CRPPA: variants seen among roughly 807,000 people sequenced by gnomAD.
CRPPA encodes D-ribitol-5-phosphate cytidylyltransferase.
In CRPPA, 43 loss-of-function variants were observed where a neutral mutation model predicts 52.0. The ratio of observed to expected loss-of-function variants is 0.83; its 90% CI spans 0.65 to 1.07. CRPPA has a LOEUF of 1.07. CRPPA is among the 50% of genes least tolerant of loss of function. The probability of loss-of-function intolerance (pLI) is 0.00; values close to 1 mark genes in which losing one functional copy is unlikely to be tolerated. For synonymous variants in CRPPA, 250 were observed against 203.5 expected (o/e 1.23, Z -1.94); for missense variants, 629 against 551.7 (o/e 1.14, Z -1.40).
chr7:16,395,636 C>T (rs547228206), intron 2 of CRPPA, among the ~76,000 whole-genome samples: 51 of 152,264 alleles, frequency 3.3e-4, no homozygotes, highest in Middle Eastern at 3.4e-3. Context: ...ATTCATATTA[C>T]TGTAGTACAC....
At chr7:16,274,553 TAAAA>T (rs923188494) in intron 6 of CRPPA, among the ~76,000 whole-genome samples, 2 of 151,442 alleles carry the variant, frequency 1.3e-5, no homozygotes, top group Admixed American at 1.3e-4. Context: ...AGCTCCTCAT[TAAAA>T]AAAAATAAAA....
Position 16,091,344 on chromosome 7 carries a change from A to G in CRPPA, c.*351T>C, listed in dbSNP as rs1781832795. On this transcript the variant is annotated 3_prime_UTR_variant, in exon 10 of 10. Coordinates refer to ENST00000407010, the MANE Select transcript of CRPPA (RefSeq NM_001101426.4). ...AAATTATTAATTAACAGTTAGGATA[A>G]TAACTGAAGTTTTCTAAATTCTCAT... The G allele has an allele frequency of 5.3e-6, 1 of 188,408 alleles. No individual in the cohort carries two copies. The highest frequency in any genetic ancestry group is 1.1e-5 in the Non-Finnish European group (1 of 92,632). 11.7% of individuals were successfully genotyped at this position (188,408 alleles called of 1,614,324 possible).
At chr7:16,327,649 T>C (rs1016886918) in intron 3 of CRPPA, among the ~76,000 whole-genome samples, 2 of 147,906 alleles carry the variant, frequency 1.4e-5, no homozygotes, top group African/African-American at 5.0e-5. Context: ...AGACCACAAC[T>C]GTCAAGGAGA....
At chr7:16,314,504 C>T (rs973098205) in intron 3 of CRPPA, among the ~76,000 whole-genome samples, 1 of 152,014 alleles carries the variant, frequency 6.6e-6, no homozygotes, top group Non-Finnish European at 1.5e-5. Context: ...CCTTCACTGC[C>T]TCCTCAACTG....
rs1266574775 is a variant in CRPPA at position 16,090,083 on chromosome 7, A to C, written c.*1612T>G. On this transcript the variant is annotated 3_prime_UTR_variant, in exon 10 of 10. Transcript: ENST00000407010. ...AACAAAGGCACAGACATTCCTAACCACAATCCACACATTGCTTACCTATTT... is the reference window on the plus strand; with the variant it reads ...AACAAAGGCACAGACATTCCTAACCCCAATCCACACATTGCTTACCTATTT... The C allele has an allele frequency of 6.6e-6, 1 of 152,286 alleles. No individual in the cohort carries two copies. Among genetic ancestry groups the C allele is most frequent in the East Asian group, 1.9e-4 (1 of 5,188 alleles). The allele number at this position is 152,286 out of a possible 1,614,324, so 9.4% of individuals were successfully genotyped here.
At chr7:16,220,956 T>C (rs2128400143) in intron 8 of CRPPA, among the ~76,000 whole-genome samples, 1 of 152,190 alleles carries the variant, frequency 6.6e-6, no homozygotes, top group African/African-American at 2.4e-5. Context: ...TTAAAGTTCA[T>C]ATGGAACCAA....
At position 16,271,220 on chromosome 7, in the gene CRPPA, A is replaced by G. The variant is rs150952685; in HGVS notation, c.933+6909T>C. Among the ~76,000 whole-genome samples, 185 of 152,288 alleles carry G rather than the reference A, an allele frequency of 1.2e-3. 1 individual carries two copies. The highest frequency in any genetic ancestry group is 2.4e-3 in the Non-Finnish European group (162 of 68,002). On this transcript the variant is annotated intron_variant, in intron 6 of 9. Coordinates refer to ENST00000407010, the MANE Select transcript of CRPPA (RefSeq NM_001101426.4). ...AGAGTATAGATCAGCATTCTTTAGG[A>G]GTTCCATTCTTTTATTACAGGAATG...
At chr7:16,216,458 C>G (rs1583437221) in intron 8 of CRPPA, 1 of 324,086 alleles carries the variant, frequency 3.1e-6, no homozygotes, top group Non-Finnish European at 5.7e-6. Context: ...CGAGTAGGAA[C>G]AGCTCCGGTC....
At chr7:16,232,353 A>C (rs79554306) in intron 8 of CRPPA, among the ~76,000 whole-genome samples, 1 of 152,178 alleles carries the variant, frequency 6.6e-6, no homozygotes, top group African/African-American at 2.4e-5. Flanking sequence ...TGCCTTTATC[A>C]TGGGAATGGA....
intron 9 of CRPPA, among the ~76,000 whole-genome samples, chr7:16,211,143 T>G (rs1782124374): frequency 6.6e-6 from 1 of 152,206 alleles, no homozygotes; most frequent in Non-Finnish European, 1.5e-5. Flanking sequence ...AGGTGTGTGT[T>G]TAATATTGCA....
intron 8 of CRPPA, among the ~76,000 whole-genome samples, chr7:16,234,321 T>C (rs1429184990): frequency 1.3e-5 from 2 of 152,130 alleles, no homozygotes; most frequent in Non-Finnish European, 2.9e-5. Context: ...TTAATACTAC[T>C]GTTCAGGACA....
At chr7:16,149,803 C>A (rs935795507) in intron 9 of CRPPA, among the ~76,000 whole-genome samples, 6 of 151,976 alleles carry the variant, frequency 3.9e-5, no homozygotes, top group African/African-American at 1.5e-4. Context: ...CTGGGCAACA[C>A]GGTGAAACCC....
chr7:16,223,167 C>G (rs1562568011), intron 8 of CRPPA, among the ~76,000 whole-genome samples: 1 of 152,140 alleles, frequency 6.6e-6, no homozygotes, highest in Non-Finnish European at 1.5e-5. Context: ...TGGCATGCGC[C>G]TGTAACTCAC....
At chr7:16,214,749 C>G (rs538049550) in intron 9 of CRPPA, among the ~76,000 whole-genome samples, 1 of 152,132 alleles carries the variant, frequency 6.6e-6, no homozygotes, top group Non-Finnish European at 1.5e-5. Flanking sequence ...TCAAGTGATC[C>G]GCCCGCCCAT....
At chr7:16,260,262 T>G (rs1249456154) in intron 6 of CRPPA, among the ~76,000 whole-genome samples, 1 of 152,044 alleles carries the variant, frequency 6.6e-6, no homozygotes, top group Non-Finnish European at 1.5e-5. Context: ...ATAGAGATAT[T>G]TCTTCCTAGA....
intron 6 of CRPPA, among the ~76,000 whole-genome samples, chr7:16,264,587 G>T (rs1342299210): frequency 6.6e-6 from 1 of 152,192 alleles, no homozygotes; most frequent in Non-Finnish European, 1.5e-5. Flanking sequence ...ATTCCCATGA[G>T]TCAGAAGTTC....
chr7:16,228,127 G>T (rs1198658543), intron 8 of CRPPA, among the ~76,000 whole-genome samples: 1 of 151,774 alleles, frequency 6.6e-6, no homozygotes, highest in East Asian at 1.9e-4. Flanking sequence ...TGTTGTTTTG[G>T]TTACTGTATC....
At chr7:16,292,116 C>A (rs1014225389) in intron 5 of CRPPA, among the ~76,000 whole-genome samples, 1 of 151,912 alleles carries the variant, frequency 6.6e-6, no homozygotes, top group Non-Finnish European at 1.5e-5. Flanking sequence ...TCATACATGT[C>A]TCTCATTTGC....
intron 6 of CRPPA, among the ~76,000 whole-genome samples, chr7:16,262,463 C>T (rs1341749512): frequency 6.6e-6 from 1 of 152,028 alleles, no homozygotes; most frequent in East Asian, 1.9e-4. Context: ...AATTTTTAAC[C>T]TTGAATTCAG....
Sources: allele counts gnomAD v4.1 joint callset (sites outside exome capture counted in the v4.1 genomes callset), GRCh38; gene constraint gnomAD v4.1.1; transcripts MANE v1.5; gene names NCBI Gene and HGNC (gene_info 2026-07-23, HGNC 2026-07-21).